FAM118A: variants seen among roughly 807,000 people sequenced by gnomAD.
FAM118A encodes the protein SIR2 antiphage like 2.
Under a neutral mutation model 38.2 loss-of-function variants are expected in FAM118A, and 25 were observed. The ratio of observed to expected loss-of-function variants is 0.65; its 90% confidence interval spans 0.48 to 0.91. The LOEUF is 0.91. Among genes scored for constraint, FAM118A ranks in the 40% least tolerant of loss-of-function variants. The pLI, the probability that FAM118A is intolerant of heterozygous loss-of-function variation, is 0.00. For missense variants in FAM118A, 425 were observed against 463.3 expected (o/e 0.92, Z 0.76); for synonymous variants, 178 against 184.1 (o/e 0.97, Z 0.27).
upstream of FAM118A, chr22:45,309,171 C>T (rs921149003): frequency 1.2e-4 from 19 of 152,368 alleles, no homozygotes; most frequent in African/African-American, 4.6e-4. Context: ...CGAACCTAAG[C>T]TGGGGAAGAG....
intron 3 of FAM118A, among the ~76,000 whole-genome samples, chr22:45,324,444 C>T (rs757995940): frequency 1.3e-5 from 2 of 152,192 alleles, no homozygotes; most frequent in African/African-American, 4.8e-5. Context: ...AGGGCCACCA[C>T]TGAAGTCACA....
At chr22:45,326,787 T>G (rs1455802142) in intron 3 of FAM118A, among the ~76,000 whole-genome samples, 1 of 139,684 alleles carries the variant, frequency 7.2e-6, no homozygotes, top group Non-Finnish European at 1.5e-5. Flanking sequence ...ATCACGCCAC[T>G]GCATTTCATC....
At chr22:45,326,955 G>A (rs993083767) in intron 3 of FAM118A, among the ~76,000 whole-genome samples, 3 of 151,242 alleles carry the variant, frequency 2.0e-5, no homozygotes, top group African/African-American at 4.9e-5. Flanking sequence ...GGCTGCAGAG[G>A]GCCGTGATCG....
rs1291349070 is a variant in FAM118A, at chr22:45,341,256, G to A, written c.*851G>A. ...ACAGCTGGATCAAAAGGGCTTCTTT[G>A]GAATTAGGTTGTTTTAGTAACTTCT... On this transcript the variant is annotated 3_prime_UTR_variant, in exon 9 of 9. Transcript: ENST00000441876. 1.3e-5 allele frequency: 2 copies of A among 152,208 alleles called. No homozygotes were observed. The highest frequency in any genetic ancestry group is 4.8e-5 in the African/African-American group (2 of 41,460). 9.4% of individuals were successfully genotyped at this position (152,208 alleles called of 1,614,324 possible). A position where few individuals can be genotyped will look rare whatever the true frequency, so the allele number is the denominator to read the frequency against.
intron 1 of FAM118A, chr22:45,321,862 G>T (rs1443871961): frequency 5.8e-6 from 1 of 172,966 alleles, no homozygotes; most frequent in Non-Finnish European, 1.3e-5. Flanking sequence ...GGGAGGGCTG[G>T]TGCCTTGGAG....
intron 2 of FAM118A, 85 bp downstream of exon 2, chr22:45,322,511 C>T (rs969047001): frequency 1.9e-5 from 22 of 1,171,754 alleles, no homozygotes; most frequent in Non-Finnish European, 2.6e-5. Flanking sequence ...TTCTTTAGTA[C>T]CTGCAAGGGC....
At chr22:45,335,557 C>T (rs2086025195) in intron 7 of FAM118A, among the ~76,000 whole-genome samples, 175 bp downstream of exon 7, 1 of 152,184 alleles carries the variant, frequency 6.6e-6, no homozygotes, top group African/African-American at 2.4e-5. Context: ...CCTGCCACAC[C>T]AAGAGACTAA....
At position 45,335,149 on chromosome 22, in the gene FAM118A, C is replaced by T. The variant is rs547389956; in HGVS notation, c.938-201C>T. 557 of 576,752 alleles carry T rather than the reference C, an allele frequency of 9.7e-4. 2 individuals carry two copies. The highest frequency in any genetic ancestry group is 1.3e-3 in the Non-Finnish European group (433 of 324,000). The allele number at this position is 576,752 out of a possible 1,614,324, so 35.7% of individuals were successfully genotyped here. On this transcript the variant is annotated intron_variant, in intron 6 of 8. Coordinates refer to ENST00000441876, the MANE Select transcript of FAM118A (RefSeq NM_017911.4). Reference sequence around the variant, plus strand: ...ACACCATGCTGCCTTTGCCAGCTGGCTCCTTCAGCGAGTCCTCGCACCAAG... The same window carrying T: ...ACACCATGCTGCCTTTGCCAGCTGGTTCCTTCAGCGAGTCCTCGCACCAAG...
At chr22:45,318,351 A>G (rs752794340) in intron 1 of FAM118A, 3 of 152,176 alleles carry the variant, frequency 2.0e-5, no homozygotes, top group Non-Finnish European at 4.4e-5. Context: ...GGGCCCACAC[A>G]CCGTGGTGAC....
At chr22:45,337,550 A>G (rs931002078) in intron 8 of FAM118A, among the ~76,000 whole-genome samples, 4 of 152,044 alleles carry the variant, frequency 2.6e-5, no homozygotes, top group Non-Finnish European at 4.4e-5. Flanking sequence ...ACGTTTCCCA[A>G]TATTCTTAAA....
chr22:45,329,980 A>G (rs2085589255), intron 4 of FAM118A: 1 of 152,212 alleles, frequency 6.6e-6, no homozygotes, highest in Non-Finnish European at 1.5e-5. Context: ...TGTATCTTGA[A>G]CTGAAAGGAA....
At chr22:45,317,703 G>A (rs887686127) in intron 1 of FAM118A, among the ~76,000 whole-genome samples, 7 of 152,232 alleles carry the variant, frequency 4.6e-5, no homozygotes, top group African/African-American at 1.7e-4. Flanking sequence ...CGGCCCAGCA[G>A]GTTCTTATGC....
Position 45,336,388 on chromosome 22 carries a change from A to C in FAM118A, c.1031A>C (p.Lys344Thr). 1 of 1,614,072 alleles carries C rather than the reference A, an allele frequency of 6.2e-7. No homozygotes were observed. The highest frequency in any genetic ancestry group is 8.5e-7 in the Non-Finnish European group (1 of 1,179,894). Reference protein sequence around the residue: ...KLEENGIEVSKKRTQSDTDDA... With the variant: ...KLEENGIEVSTKRTQSDTDDA... ...GAAGAGAATGGAATTGAAGTTTCAA[A>C]AAAACGCACACAATCAGATACTGGT... Residue 344 changes from lysine (K) to threonine (T), a missense_variant, in exon 8 of 9, where the codon AAA (lysine) becomes ACA (threonine). Physicochemically the swap from Lys to Thr is moderately conservative, Grantham distance 78. Coordinates refer to ENST00000441876, the MANE Select transcript of FAM118A (RefSeq NM_017911.4).
chr22:45,316,509 T>G (rs1354339278), intron 1 of FAM118A, among the ~76,000 whole-genome samples: 1 of 152,198 alleles, frequency 6.6e-6, no homozygotes, highest in African/African-American at 2.4e-5. Flanking sequence ...GTCATCTGTC[T>G]TGCTGAGGGT....
intron 1 of FAM118A, among the ~76,000 whole-genome samples, chr22:45,315,436 C>T (rs1428050926): frequency 1.3e-5 from 2 of 152,196 alleles, no homozygotes; most frequent in African/African-American, 4.8e-5. Context: ...CATGATTACA[C>T]TGAAATGTAG....
rs1282889956 is a variant in FAM118A at position 45,310,013 on chromosome 22, C to G, written c.-180C>G. ...CCGCTCTGGCTCCGACTCCGGCTCT[C>G]GCTCTCGCTTCTAGCCCGCGTGCCT... On this transcript the variant is annotated 5_prime_UTR_variant, in exon 1 of 9. Coordinates refer to ENST00000441876, the MANE Select transcript of FAM118A (RefSeq NM_017911.4). The G allele has an allele frequency of 6.6e-6, 1 of 152,074 alleles. No homozygotes were observed. The highest frequency in any genetic ancestry group is 1.5e-5 in the Non-Finnish European group (1 of 67,926). The allele number at this position is 152,074 out of a possible 1,614,324, so 9.4% of individuals were successfully genotyped here.
At position 45,340,386 on chromosome 22, in the gene FAM118A, A is replaced by T; in HGVS notation, c.1055A>T (p.Asp352Val). The change falls in exon 9 of 9, where the codon GAT becomes GTT. Residue 352 changes from aspartate to valine, a missense_variant and splice_region_variant. Asp to Val is a radical substitution (Grantham distance 152). Transcript: ENST00000441876. ...VSKKRTQSDTDDAGGS is the reference protein window; with the variant it reads ...VSKKRTQSDTVDAGGS Reference sequence around the variant, plus strand: ...GCATTTCATTCTTTTATTTAAACAGATGATGCTGGAGGGTCTTGAAATCTT... The same window carrying T: ...GCATTTCATTCTTTTATTTAAACAGTTGATGCTGGAGGGTCTTGAAATCTT... The T allele has an allele frequency of 3.1e-6, 5 of 1,614,192 alleles. No homozygotes were observed. Among genetic ancestry groups the T allele is most frequent in the Non-Finnish European group, 4.2e-6 (5 of 1,180,032 alleles).
In FAM118A at chr22:45,328,479, T is replaced by C. The variant is rs1449588545; in HGVS notation, c.522+416T>C. 4 of 850,834 alleles carry C rather than the reference T, an allele frequency of 4.7e-6. No homozygotes were observed. In the Admixed American group the frequency reaches 6.8e-5, roughly 14 times the overall value. The allele number at this position is 850,834 out of a possible 1,614,324, so 52.7% of individuals were successfully genotyped here. A position where few individuals can be genotyped will look rare whatever the true frequency, so the allele number is the denominator to read the frequency against. On this transcript the variant is annotated intron_variant, in intron 4 of 8. Transcript: ENST00000441876. ...TCACTTTGTAGCAGTGAATTACTAA[T>C]AAAGTAGCCAGGCATGGTGGCGCCT...
Position 45,332,709 on chromosome 22 carries a change from A to C in FAM118A, c.936A>C (p.Pro312=), listed in dbSNP as rs754031417. ...LATQICKQQS[P]DADRVDSTTL... ...CTCAGATCTGCAAACAGCAAAGCCC[A>C]GGTATGGGATCTGGCTTCACTTTCC... Residue 312 remains proline, a splice_region_variant and synonymous_variant, in exon 6 of 9, where the codon CCA becomes CCC. Transcript: ENST00000441876. 3.8e-6 allele frequency: 6 copies of C among 1,575,128 alleles called. No homozygotes were observed.
Sources: allele counts gnomAD v4.1 joint callset (sites outside exome capture counted in the v4.1 genomes callset), GRCh38; gene constraint gnomAD v4.1.1; transcripts MANE v1.5; gene names NCBI Gene and HGNC (gene_info 2026-07-23, HGNC 2026-07-21).